Variants in SEZ6L observed in about 807,000 individuals in gnomAD.
The protein encoded by SEZ6L is seizure 6-like protein.
Under a neutral mutation model 106.2 loss-of-function variants are expected in SEZ6L, and 37 were observed. The observed-to-expected ratio is 0.35, with a 90% CI of 0.27 to 0.46. The LOEUF (loss-of-function observed/expected upper bound fraction) is 0.46, where lower values mean the gene tolerates loss of function less well. SEZ6L is among the 20% of genes least tolerant of loss of function. The pLI is 1.00. For synonymous variants in SEZ6L, 541 were observed against 570.4 expected (o/e 0.95, Z 0.73); for missense variants, 1,172 against 1,332.8 (o/e 0.88, Z 1.88).
chr22:26,198,852 C>G (rs944794779), intron 1 of SEZ6L, among the ~76,000 whole-genome samples: 2 of 152,224 alleles, frequency 1.3e-5, no homozygotes, highest in Non-Finnish European at 2.9e-5. Context: ...TCTTTAATAA[C>G]AAAATCTTCA....
At chr22:26,261,858 T>C (rs1045528667) in intron 1 of SEZ6L, among the ~76,000 whole-genome samples, 1 of 152,120 alleles carries the variant, frequency 6.6e-6, no homozygotes, top group Admixed American at 6.6e-5. Flanking sequence ...AGAAGTCAGA[T>C]TGGACTGAGA....
intron 1 of SEZ6L, among the ~76,000 whole-genome samples, chr22:26,185,322 A>G (rs1939698364): frequency 6.6e-6 from 1 of 152,198 alleles, no homozygotes; most frequent in African/African-American, 2.4e-5. Flanking sequence ...ATTACCAGAA[A>G]GACCACCCAG....
chr22:26,301,603 C>G (rs1210329144), intron 5 of SEZ6L, among the ~76,000 whole-genome samples: 1 of 152,096 alleles, frequency 6.6e-6, no homozygotes, highest in Non-Finnish European at 1.5e-5. Context: ...AAAAGGTATA[C>G]AGGAAGAAGC....
intron 1 of SEZ6L, among the ~76,000 whole-genome samples, chr22:26,209,333 A>C (rs1266811330): frequency 2.0e-5 from 3 of 152,180 alleles, no homozygotes; most frequent in Admixed American, 1.3e-4. Flanking sequence ...TGCTGCCAAT[A>C]CTTTATTGTA....
chr22:26,234,158 T>C (rs1451788989), intron 1 of SEZ6L, among the ~76,000 whole-genome samples: 4 of 152,166 alleles, frequency 2.6e-5, no homozygotes, highest in Non-Finnish European at 5.9e-5. Flanking sequence ...GAAACTGGGG[T>C]GTCAGGATCC....
At chr22:26,326,437 A>G (rs2082307808) in intron 9 of SEZ6L, among the ~76,000 whole-genome samples, 1 of 152,174 alleles carries the variant, frequency 6.6e-6, no homozygotes, top group Admixed American at 6.5e-5. Flanking sequence ...CATCACTCAC[A>G]TGGATTACTG....
chr22:26,283,970 A>G (rs1423812020), intron 1 of SEZ6L, among the ~76,000 whole-genome samples: 2 of 152,252 alleles, frequency 1.3e-5, no homozygotes, highest in Non-Finnish European at 2.9e-5. Context: ...ACAGAACAAT[A>G]TATGCCATGT....
chr22:26,338,333 T>G (rs1221825505), intron 9 of SEZ6L, among the ~76,000 whole-genome samples: 2 of 152,190 alleles, frequency 1.3e-5, no homozygotes, highest in Admixed American at 6.5e-5. Flanking sequence ...GAAAAATTCT[T>G]TCAGGAACCA....
At chr22:26,375,876 T>C (rs898922732) in intron 15 of SEZ6L, among the ~76,000 whole-genome samples, 187 bp downstream of exon 15, 4 of 152,224 alleles carry the variant, frequency 2.6e-5, no homozygotes, top group Non-Finnish European at 5.9e-5. Context: ...TGGGCAATTA[T>C]GAAGCCTCCA....
At chr22:26,307,382 T>C (rs1366694754) in intron 6 of SEZ6L, among the ~76,000 whole-genome samples, 6 of 152,150 alleles carry the variant, frequency 3.9e-5, no homozygotes, top group East Asian at 3.9e-4. Flanking sequence ...CACCTTAGAA[T>C]TTTGGAGTCC....
At position 26,210,542 on chromosome 22, in the gene SEZ6L, G is replaced by A. The variant is rs190315401; in HGVS notation, c.94+40779G>A. On this transcript the variant is annotated intron_variant, in intron 1 of 16. Transcript: ENST00000248933. ...AATGTAATTCCGATGTCAGTGACAC[G>A]CCACAGTGGCCTAGTCAGCTTCCCT... is the stretch of plus-strand genomic sequence containing the variant. Among the ~76,000 whole-genome samples, 126 of 152,278 alleles carry A rather than the reference G, an allele frequency of 8.3e-4. 1 individual carries two copies. The highest frequency in any genetic ancestry group is 2.8e-3 in the Admixed American group (43 of 15,302).
At chr22:26,282,237 G>A (rs2080795147) in intron 1 of SEZ6L, among the ~76,000 whole-genome samples, 1 of 152,152 alleles carries the variant, frequency 6.6e-6, no homozygotes, top group African/African-American at 2.4e-5. Context: ...ATATTTTACT[G>A]TGTTCTACAA....
rs938833866 is a variant in SEZ6L at position 26,178,205 on chromosome 22, G to A, written c.94+8442G>A. Among the ~76,000 whole-genome samples, 3 of 152,196 alleles carry A rather than the reference G, an allele frequency of 2.0e-5. No individual in the cohort carries two copies. The East Asian group carries it at 5.8e-4, about 29-fold the overall frequency. On this transcript the variant is annotated intron_variant, in intron 1 of 16. Transcript: ENST00000248933. ...TGGTAGAAGTGGAAATCAAGCCATA[G>A]CTCCCTCCTCTGCTGACTTGGCACT...
At chr22:26,234,682 A>G (rs1274247774) in intron 1 of SEZ6L, among the ~76,000 whole-genome samples, 1 of 152,254 alleles carries the variant, frequency 6.6e-6, no homozygotes, top group East Asian at 1.9e-4. Flanking sequence ...CAATAGGCCT[A>G]TTTCTGAAGC....
In SEZ6L at chr22:26,380,586, A is replaced by G. The variant is rs1342431911; in HGVS notation, c.*291A>G. 3.7e-5 allele frequency: 13 copies of G among 354,524 alleles called. No homozygotes were observed. The highest frequency in any genetic ancestry group is 2.7e-4 in the African/African-American group (13 of 48,984). The allele number at this position is 354,524 out of a possible 1,614,324, so 22.0% of individuals were successfully genotyped here. A position where few individuals can be genotyped will look rare whatever the true frequency, so the allele number is the denominator to read the frequency against. On this transcript the variant is annotated 3_prime_UTR_variant, in exon 17 of 17. Coordinates refer to ENST00000248933, the MANE Select transcript of SEZ6L (RefSeq NM_021115.5). Reference sequence around the variant, plus strand: ...AACCGCGGCAGCAAAAACACAAAACAGCAGATGGAGTTTCTCCCATCAGCA... The same window carrying G: ...AACCGCGGCAGCAAAAACACAAAACGGCAGATGGAGTTTCTCCCATCAGCA...
rs2080329630 is a variant in SEZ6L, at chr22:26,270,466, GT to G, written c.95-21939del. Among the ~76,000 whole-genome samples the G allele has an allele frequency of 4.8e-3, 233 of 48,854 alleles. No individual in the cohort carries two copies. In the East Asian group the frequency reaches 0.1, roughly 21 times the overall value. 32.1% of individuals were successfully genotyped at this position (48,854 alleles called of 152,430 possible). A position where few individuals can be genotyped will look rare whatever the true frequency, so the allele number is the denominator to read the frequency against. On this transcript the variant is annotated intron_variant, in intron 1 of 16. Coordinates refer to ENST00000248933, the MANE Select transcript of SEZ6L (RefSeq NM_021115.5). ...GTTGGTGCTGACAATTGTGAGGGGT[GT>G]GTGTGTGTGTGTGTGTGTGTGTGTG...
chr22:26,266,538 A>C (rs564700819), intron 1 of SEZ6L, among the ~76,000 whole-genome samples: 2 of 151,798 alleles, frequency 1.3e-5, no homozygotes, highest in Admixed American at 6.6e-5. Context: ...GCACCACTGC[A>C]CTCCCGCCTG....
At chr22:26,170,091 G>A (rs1352476824) in intron 1 of SEZ6L, among the ~76,000 whole-genome samples, 2 of 152,058 alleles carry the variant, frequency 1.3e-5, no homozygotes, top group Non-Finnish European at 2.9e-5. Flanking sequence ...CAAATTCCCG[G>A]CGCTTCTCTG....
intron 1 of SEZ6L, among the ~76,000 whole-genome samples, chr22:26,203,632 T>C (rs1941115282): frequency 6.6e-6 from 1 of 152,236 alleles, no homozygotes; most frequent in African/African-American, 2.4e-5. Context: ...CCAGGCATCA[T>C]CTTCTCATTT....
Sources: allele counts gnomAD v4.1 joint callset (sites outside exome capture counted in the v4.1 genomes callset), GRCh38; gene constraint gnomAD v4.1.1; transcripts MANE v1.5; gene names NCBI Gene and HGNC (gene_info 2026-07-23, HGNC 2026-07-21).